The following GDAP2 variants were observed in gnomAD, a reference collection of about 807,000 sequenced individuals.
The protein encoded by GDAP2 is ganglioside induced differentiation associated protein 2.
GDAP2 carries 51 observed loss-of-function variants against 67.0 expected under a neutral mutation model. The observed-to-expected ratio is 0.76, with a 90% CI of 0.61 to 0.96. The LOEUF (loss-of-function observed/expected upper bound fraction) is 0.96, where lower values mean the gene tolerates loss of function less well. Among genes scored for constraint, GDAP2 ranks in the 40% least tolerant of loss-of-function variants. GDAP2 has a pLI of 0.00. For missense variants in GDAP2, 547 were observed against 588.3 expected, an observed-to-expected ratio of 0.93 and a Z score of 0.73; for synonymous variants, 203 against 207.3, an observed-to-expected ratio of 0.98 and a Z score of 0.18.
intron 6 of GDAP2, among the ~76,000 whole-genome samples, chr1:117,903,033 T>C (rs1427959562): frequency 1.3e-5 from 2 of 152,212 alleles, no homozygotes; most frequent in African/African-American, 2.4e-5. Flanking sequence ...CTACTCTAAG[T>C]AGAACTGTTT....
intron 12 of GDAP2, among the ~76,000 whole-genome samples, chr1:117,879,363 T>A (rs1283669090): frequency 1.3e-5 from 2 of 151,880 alleles, no homozygotes; most frequent in African/African-American, 4.8e-5. Flanking sequence ...GGAAGAGGAG[T>A]ACATGAGGAG....
At chr1:117,920,117 A>C in intron 2 of GDAP2, 65 bp downstream of exon 2, 1 of 907,322 alleles carries the variant, frequency 1.1e-6, no homozygotes, top group Admixed American at 2.2e-5. Context: ...GGCTTTAAAA[A>C]AGAGGTTAGA....
chr1:117,929,097 C>T (rs773961034), intron 1 of GDAP2, among the ~76,000 whole-genome samples: 11 of 152,182 alleles, frequency 7.2e-5, no homozygotes, highest in Non-Finnish European at 1.2e-4. Context: ...GTCCAGTCCA[C>T]AGGAACGGCA....
In GDAP2 at chr1:117,902,148, TTTTC is replaced by T. The variant is rs372260285; in HGVS notation, c.637-2936_637-2933del. Among the ~76,000 whole-genome samples the T allele has an allele frequency of 5.8e-4, 89 of 152,304 alleles. No individual in the cohort carries two copies. In the South Asian group the frequency reaches 7.7e-3, roughly 13 times the overall value. ...AGCAGAACTATGCAAAATATTAAAC[TTTTC>T]TTTCTTTCTTTCTTTTAAACAATGT... On this transcript the variant is annotated intron_variant, in intron 6 of 13. Coordinates refer to ENST00000369443, the MANE Select transcript of GDAP2 (RefSeq NM_017686.4).
At chr1:117,879,695 A>G (rs1008234617) in intron 12 of GDAP2, among the ~76,000 whole-genome samples, 1 of 152,238 alleles carries the variant, frequency 6.6e-6, no homozygotes, top group Admixed American at 6.5e-5. Flanking sequence ...GATAACTGGT[A>G]GAGCTGGGAT....
chr1:117,923,194 T>G (rs1650320105), intron 1 of GDAP2, among the ~76,000 whole-genome samples: 1 of 152,180 alleles, frequency 6.6e-6, no homozygotes, highest in South Asian at 2.1e-4. Flanking sequence ...TAAACACACA[T>G]GCTCTACAAA....
intron 10 of GDAP2, among the ~76,000 whole-genome samples, chr1:117,886,130 T>C (rs896377086): frequency 1.3e-5 from 2 of 152,190 alleles, no homozygotes; most frequent in East Asian, 1.9e-4. Context: ...CCATTTTTCT[T>C]TTATGAATCA....
intron 7 of GDAP2, 64 bp downstream of exon 7, chr1:117,898,993 G>A (rs952169033): frequency 1.4e-4 from 164 of 1,186,502 alleles, no homozygotes; most frequent in Non-Finnish European, 1.9e-4. Context: ...TTACTTCTTT[G>A]GTGATTGGTG....
rs551858523 is a variant in GDAP2, at chr1:117,882,114, G to GT, written c.1248-238dup. ...TAAGTGCTTCTGTCAGCTGCTATAGGTAGGACAAAGTTAAGTAAATTTGTA... is the reference window on the plus strand; with the variant it reads ...TAAGTGCTTCTGTCAGCTGCTATAGGTTAGGACAAAGTTAAGTAAATTTGTA... On this transcript the variant is annotated intron_variant, in intron 11 of 13. Transcript: ENST00000369443. Among the ~76,000 whole-genome samples, 660 of 152,160 alleles carry GT rather than the reference G, an allele frequency of 4.3e-3. 3 individuals are homozygous for GT. The highest frequency in any genetic ancestry group is 0.015 in the African/African-American group (638 of 41,526).
intron 11 of GDAP2, among the ~76,000 whole-genome samples, chr1:117,882,728 T>C (rs1187799241): frequency 6.6e-6 from 1 of 152,142 alleles, no homozygotes; most frequent in Non-Finnish European, 1.5e-5. Context: ...AAAGCTTTAA[T>C]ATTCCTAAAT....
intron 8 of GDAP2, 77 bp downstream of exon 8, chr1:117,896,756 C>T: frequency 1.1e-6 from 1 of 885,656 alleles, no homozygotes; most frequent in Admixed American, 2.4e-5. Flanking sequence ...ATACACGTAG[C>T]TCATGCATCA....
intron 10 of GDAP2, among the ~76,000 whole-genome samples, chr1:117,886,177 T>C (rs139617353): frequency 1.1e-4 from 17 of 152,330 alleles, no homozygotes; most frequent in Admixed American, 6.5e-4. Flanking sequence ...GAAGGGATTA[T>C]AGAATTATGC....
chr1:117,896,947 G>A lies in GDAP2; in HGVS notation c.839C>T (p.Ser280Phe). The A allele has an allele frequency of 3.7e-6, 6 of 1,611,976 alleles. No homozygotes were observed. The highest frequency in any genetic ancestry group is 5.1e-6 in the Non-Finnish European group (6 of 1,178,468). ...AGCAAAAGCATGAGAGCCAATGAAA[G>A]AGAGATCAACTCCCAAGCCTTCATC... ...EEDEGLGVDL[S>F]FIGSHAFARM... Residue 280 changes from serine (S) to phenylalanine (F), a missense_variant, in exon 8 of 14, where the codon TCT (serine) becomes TTT (phenylalanine). Coordinates refer to ENST00000369443, the MANE Select transcript of GDAP2 (RefSeq NM_017686.4).
Position 117,875,651 on chromosome 1 carries a change from G to C in GDAP2, c.1446+2358C>G, listed in dbSNP as rs1431506360. On this transcript the variant is annotated intron_variant, in intron 13 of 13. Transcript: ENST00000369443. ...TGGGTGGCAACCAGCAAAGCCATGGGGGTGGGGGTGCCCAAGGCCTTGGGA... is the reference window on the plus strand; with the variant it reads ...TGGGTGGCAACCAGCAAAGCCATGGCGGTGGGGGTGCCCAAGGCCTTGGGA... Among the ~76,000 whole-genome samples the C allele has an allele frequency of 2.0e-5, 3 of 152,332 alleles. No homozygotes were observed. The East Asian group carries it at 5.8e-4, about 29-fold the overall frequency.
rs946019706 is a variant in GDAP2, at chr1:117,866,367, T to G, written c.*4202A>C. 1.3e-5 allele frequency: 2 copies of G among 152,136 alleles called. No individual in the cohort carries two copies. The highest frequency in any genetic ancestry group is 2.9e-5 in the Non-Finnish European group (2 of 68,014). The allele number at this position is 152,136 out of a possible 1,614,324, so 9.4% of individuals were successfully genotyped here. A position where few individuals can be genotyped will look rare whatever the true frequency, so the allele number is the denominator to read the frequency against. ...TTTCTCAGCCTCCAACTGTGAGAAA[T>G]AAATGTGTTTTGTTACGCCACCCAG... On this transcript the variant is annotated 3_prime_UTR_variant, in exon 14 of 14. Transcript: ENST00000369443.
chr1:117,894,192 T>C (rs946340593), intron 8 of GDAP2, among the ~76,000 whole-genome samples: 12 of 151,064 alleles, frequency 7.9e-5, no homozygotes, highest in African/African-American at 2.9e-4. Context: ...CAGGCAGGAG[T>C]GCAGTGGTGT....
In GDAP2 at chr1:117,878,077, G is replaced by C; in HGVS notation, c.1378C>G (p.Gln460Glu). ...DKIHHVDSLH[Q>E]LFSAISPEQI... ...TCTGGTGATATGGCAGAAAACAGCT[G>C]GTGGAGGCTGTCCACATGGTGGATT... The change falls in exon 13 of 14, where the codon CAG becomes GAG. Residue 460 changes from glutamine to glutamate, a missense_variant. Coordinates refer to ENST00000369443, the MANE Select transcript of GDAP2 (RefSeq NM_017686.4). The C allele has an allele frequency of 1.2e-6, 2 of 1,611,754 alleles. No individual in the cohort carries two copies. The highest frequency in any genetic ancestry group is 1.7e-6 in the Non-Finnish European group (2 of 1,177,968).
chr1:117,880,990 T>G (rs749291031), intron 12 of GDAP2, among the ~76,000 whole-genome samples: 1 of 152,030 alleles, frequency 6.6e-6, no homozygotes, highest in Non-Finnish European at 1.5e-5. Context: ...AAGGAGGCAA[T>G]GATAAGAACA....
intron 5 of GDAP2, among the ~76,000 whole-genome samples, chr1:117,908,604 C>T (rs1399274176): frequency 6.6e-6 from 1 of 152,090 alleles, no homozygotes; most frequent in Admixed American, 6.6e-5. Context: ...AAGACGATTA[C>T]TTGAGCCTGA....
Sources: allele counts gnomAD v4.1 joint callset (sites outside exome capture counted in the v4.1 genomes callset), GRCh38; gene constraint gnomAD v4.1.1; transcripts MANE v1.5; gene names NCBI Gene and HGNC (gene_info 2026-07-23, HGNC 2026-07-21).